USP24: variants seen among roughly 807,000 people sequenced by gnomAD.
The protein encoded by USP24 is ubiquitin specific peptidase 24.
Under a neutral mutation model 361.6 loss-of-function variants are expected in USP24, and 97 were observed. The ratio of observed to expected loss-of-function variants is 0.27; its 90% confidence interval spans 0.23 to 0.32. The LOEUF (loss-of-function observed/expected upper bound fraction) is 0.32, where lower values mean the gene tolerates loss of function less well. Ranked by LOEUF, USP24 falls within the 10% of genes least tolerant of loss-of-function variation. USP24 has a pLI of 1.00. For missense variants in USP24, 2,353 were observed against 3,165.6 expected (o/e 0.74, Z 6.16); for synonymous variants, 1,098 against 1,124.6 (o/e 0.98, Z 0.47).
chr1:55,142,571 T>C (rs1646919699), intron 23 of USP24, among the ~76,000 whole-genome samples, 171 bp downstream of exon 23: 1 of 152,152 alleles, frequency 6.6e-6, no homozygotes, highest in Admixed American at 6.6e-5. Context: ...TAGAGTACAC[T>C]TATATACTGG....
chr1:55,083,462 ATTT>A, intron 57 of USP24, 98 bp from the exon 58 acceptor site: 1 of 1,130,402 alleles, frequency 8.8e-7, no homozygotes, highest in Non-Finnish European at 1.3e-6. Context: ...GAGTCAATAT[ATTT>A]TTTAAGAATA....
Position 55,134,044 on chromosome 1 carries a change from C to A in USP24, c.3381+26G>T, listed in dbSNP as rs114084688. 1.5e-3 allele frequency: 2,315 copies of A among 1,582,692 alleles called. 29 individuals carry two copies. The African/African-American group carries it at 0.028, about 19-fold the overall frequency. On this transcript the variant is annotated intron_variant, in intron 30 of 67. Coordinates refer to ENST00000294383, the MANE Select transcript of USP24 (RefSeq NM_015306.3). ...CTCACTGAATTGTGATATAAAATTG[C>A]CATGCTAGTTAAAAAATACTCATAC...
intron 1 of USP24, among the ~76,000 whole-genome samples, chr1:55,204,951 C>G (rs2100933677): frequency 1.3e-5 from 2 of 152,214 alleles, no homozygotes; most frequent in African/African-American, 4.8e-5. Flanking sequence ...ATAAAAACAA[C>G]AGAAATAGCA....
At chr1:55,134,258 T>C in intron 29 of USP24, 70 bp downstream of exon 29, 1 of 1,565,716 alleles carries the variant, frequency 6.4e-7, no homozygotes, top group Non-Finnish European at 8.7e-7. Flanking sequence ...GCATTTCAAG[T>C]GAAAAGTTAC....
chr1:55,190,270 C>T (rs1279367722), intron 1 of USP24, among the ~76,000 whole-genome samples: 1 of 150,664 alleles, frequency 6.6e-6, no homozygotes, highest in Non-Finnish European at 1.5e-5. Flanking sequence ...GGTCTTAAAA[C>T]TGGAAGCAAC....
intron 4 of USP24, 132 bp downstream of exon 4, chr1:55,172,245 G>T: frequency 1.1e-6 from 1 of 906,516 alleles, no homozygotes; most frequent in Non-Finnish European, 1.5e-6. Context: ...TTAAAATAAA[G>T]ACAAAGGATC....
At chr1:55,103,510 T>A (rs1645693080) in intron 42 of USP24, among the ~76,000 whole-genome samples, 1 of 152,228 alleles carries the variant, frequency 6.6e-6, no homozygotes, top group African/African-American at 2.4e-5. Context: ...TTGGTTGAAT[T>A]TAACTGCACA....
chr1:55,139,557 A>G (rs1052520805), intron 24 of USP24, among the ~76,000 whole-genome samples: 2 of 152,230 alleles, frequency 1.3e-5, no homozygotes, highest in South Asian at 4.1e-4. Context: ...TCAGACTGCA[A>G]TATTCATCAG....
intron 1 of USP24, among the ~76,000 whole-genome samples, chr1:55,195,016 CAAAACAAAACAA>C: frequency 7.0e-6 from 1 of 143,734 alleles, no homozygotes; most frequent in African/African-American, 3.0e-5. Flanking sequence ...TTCCTTAAAA[CAAAACAAAACAA>C]AACAAAACGA....
intron 44 of USP24, among the ~76,000 whole-genome samples, chr1:55,100,449 T>C (rs1475046861): frequency 6.6e-6 from 1 of 151,402 alleles, no homozygotes; most frequent in East Asian, 1.9e-4. Flanking sequence ...TGAGCCAAGA[T>C]TGCGCCATTG....
intron 56 of USP24, chr1:55,084,371 A>G (rs993548007): frequency 6.5e-6 from 1 of 153,562 alleles, no homozygotes. Flanking sequence ...CAACGGTGAT[A>G]TCGACTCAGC....
chr1:55,213,591 A>G (rs79100198), intron 1 of USP24, among the ~76,000 whole-genome samples: 13 of 152,220 alleles, frequency 8.5e-5, no homozygotes, highest in African/African-American at 3.1e-4. Flanking sequence ...CGCAATCCCA[A>G]TAATTTGAGA....
intron 3 of USP24, among the ~76,000 whole-genome samples, chr1:55,173,026 ATGGC>A (rs1246010743): frequency 6.6e-6 from 1 of 152,200 alleles, no homozygotes; most frequent in Non-Finnish European, 1.5e-5. Context: ...ATATATCTTG[ATGGC>A]TGGCTGTCCA....
At chr1:55,154,831 A>AC (rs1243230355) in intron 12 of USP24, 53 bp from the exon 13 acceptor site, 1 of 1,428,244 alleles carries the variant, frequency 7.0e-7, no homozygotes, top group East Asian at 2.3e-5. Flanking sequence ...GGAACAACCT[A>AC]AGTCTTCCCC....
chr1:55,209,460 C>T (rs569782810), intron 1 of USP24, among the ~76,000 whole-genome samples: 1 of 152,086 alleles, frequency 6.6e-6, no homozygotes, highest in Non-Finnish European at 1.5e-5. Context: ...TTGGTTGAGT[C>T]GGCTTTTAAA....
At chr1:55,172,899 C>T (rs1649592648) in intron 3 of USP24, among the ~76,000 whole-genome samples, 3 of 152,134 alleles carry the variant, frequency 2.0e-5, no homozygotes, top group Non-Finnish European at 2.9e-5. Flanking sequence ...GAGTTCTCAA[C>T]GGCTCAGTTC....
intron 32 of USP24, among the ~76,000 whole-genome samples, chr1:55,127,314 G>A (rs1048368440): frequency 2.0e-5 from 3 of 151,898 alleles, no homozygotes; most frequent in Non-Finnish European, 2.9e-5. Context: ...GAGAACATGC[G>A]GTGTTTGGTT....
chr1:55,194,663 C>T (rs985005463), intron 1 of USP24, among the ~76,000 whole-genome samples: 27 of 152,028 alleles, frequency 1.8e-4, no homozygotes, highest in Non-Finnish European at 2.4e-4. Context: ...ATGAATCTTT[C>T]TTTGTCCCTC....
Position 55,093,838 on chromosome 1 carries a change from G to A in USP24, c.6354+99C>T. ...AAGTGTGTAAGACGATGTAGCCCCA[G>A]TGGTACAACTAATCCAGCAGAAGTA... On this transcript the variant is annotated intron_variant, in intron 52 of 67. Transcript: ENST00000294383. The A allele has an allele frequency of 2.7e-6, 4 of 1,498,152 alleles. No homozygotes were observed. The South Asian group carries it at 5.1e-5, about 19-fold the overall frequency. 92.8% of individuals were successfully genotyped at this position (1,498,152 alleles called of 1,614,324 possible). A position where few individuals can be genotyped will look rare whatever the true frequency, so the allele number is the denominator to read the frequency against.
Sources: allele counts gnomAD v4.1 joint callset (sites outside exome capture counted in the v4.1 genomes callset), GRCh38; gene constraint gnomAD v4.1.1; transcripts MANE v1.5; gene names NCBI Gene and HGNC (gene_info 2026-07-23, HGNC 2026-07-21).